Variants in STK32B observed in about 807,000 individuals in gnomAD.
STK32B encodes serine/threonine-protein kinase 32B.
In STK32B, 43 loss-of-function variants were observed where a neutral mutation model predicts 52.6. The observed-to-expected ratio is 0.82, with a 90% CI of 0.64 to 1.05. STK32B has a LOEUF of 1.05. Ranked by LOEUF, STK32B falls within the 50% of genes least tolerant of loss-of-function variation. The pLI is 0.00. For missense variants in STK32B, 621 were observed against 534.6 expected (o/e 1.16, Z -1.59); for synonymous variants, 238 against 204.3 (o/e 1.17, Z -1.41).
At chr4:5,455,420 C>G (rs573677485) in intron 7 of STK32B, among the ~76,000 whole-genome samples, 2 of 152,218 alleles carry the variant, frequency 1.3e-5, no homozygotes, top group Non-Finnish European at 2.9e-5. Flanking sequence ...CTACATATGC[C>G]GCATGCATAG....
chr4:5,384,787 G>A (rs960576148), intron 4 of STK32B, among the ~76,000 whole-genome samples: 4 of 152,108 alleles, frequency 2.6e-5, no homozygotes. Flanking sequence ...TGGGACTGAA[G>A]AATTGCAGGA....
At chr4:5,121,395 G>T (rs1283314536) in intron 1 of STK32B, among the ~76,000 whole-genome samples, 1 of 152,112 alleles carries the variant, frequency 6.6e-6, no homozygotes, top group East Asian at 1.9e-4. Context: ...AAAGAATTTG[G>T]TCCCACAACG....
chr4:5,153,510 A>G (rs560796708), intron 2 of STK32B, among the ~76,000 whole-genome samples: 2 of 149,450 alleles, frequency 1.3e-5, no homozygotes, highest in South Asian at 4.2e-4. Context: ...TCATTGGTGG[A>G]AAAAAAAAGC....
chr4:5,152,686 G>A (rs190330101), intron 2 of STK32B, among the ~76,000 whole-genome samples: 49 of 152,370 alleles, frequency 3.2e-4, no homozygotes, highest in Admixed American at 1.1e-3. Context: ...AGGGCTGCCC[G>A]TGCAGCATTG....
At chr4:5,252,844 A>G (rs1049407352) in intron 3 of STK32B, among the ~76,000 whole-genome samples, 1 of 152,182 alleles carries the variant, frequency 6.6e-6, no homozygotes, top group African/African-American at 2.4e-5. Context: ...AGTGATTAAT[A>G]AAGTGCCTGG....
At chr4:5,168,952 T>G (rs2108737320) in intron 3 of STK32B, among the ~76,000 whole-genome samples, 1 of 152,334 alleles carries the variant, frequency 6.6e-6, no homozygotes, top group South Asian at 2.1e-4. Context: ...TCCTTGGCTA[T>G]TATCTTCACT....
chr4:5,493,595 T>C lies in STK32B; in HGVS notation c.1107-5350T>C, dbSNP rs185088201. ...CTATTTCCTTCAGTTCTGCTCTGAT[T>C]TTAGTTATTTCTTGCCTTCTGCTAG... On this transcript the variant is annotated intron_variant, in intron 11 of 11. Coordinates refer to ENST00000282908, the MANE Select transcript of STK32B (RefSeq NM_018401.3). 1.1e-3 allele frequency among the ~76,000 whole-genome samples: 162 copies of C among 152,224 alleles called. 1 individual carries two copies. Among genetic ancestry groups the C allele is most frequent in the African/African-American group, 3.8e-3 (156 of 41,546 alleles).
chr4:5,381,886 G>A (rs2109024339), intron 4 of STK32B, among the ~76,000 whole-genome samples: 1 of 152,244 alleles, frequency 6.6e-6, no homozygotes, highest in East Asian at 1.9e-4. Flanking sequence ...AAGGAGGGAG[G>A]GAAGGAAGGA....
At chr4:5,250,579 C>G (rs1024181822) in intron 3 of STK32B, among the ~76,000 whole-genome samples, 2 of 152,150 alleles carry the variant, frequency 1.3e-5, no homozygotes, top group African/African-American at 4.8e-5. Flanking sequence ...TCCCAAAGTG[C>G]TAGGATTACA....
intron 1 of STK32B, among the ~76,000 whole-genome samples, chr4:5,054,053 C>G (rs941339668): frequency 1.3e-5 from 2 of 151,464 alleles, no homozygotes; most frequent in African/African-American, 4.9e-5. Context: ...ATTGCCCAGC[C>G]CAGTGAAACA....
intron 3 of STK32B, among the ~76,000 whole-genome samples, chr4:5,210,377 A>G (rs2108785260): frequency 6.6e-6 from 1 of 152,194 alleles, no homozygotes; most frequent in Middle Eastern, 3.4e-3. Flanking sequence ...TGGTGTTCCC[A>G]GTCTTCTTGC....
At chr4:5,492,313 T>C (rs1312535641) in intron 11 of STK32B, among the ~76,000 whole-genome samples, 2 of 152,168 alleles carry the variant, frequency 1.3e-5, no homozygotes, top group Admixed American at 6.5e-5. Flanking sequence ...TAAGTTGGAT[T>C]CCTAGGTATT....
At chr4:5,432,957 A>G (rs1713724516) in intron 6 of STK32B, among the ~76,000 whole-genome samples, 1 of 152,198 alleles carries the variant, frequency 6.6e-6, no homozygotes, top group Non-Finnish European at 1.5e-5. Flanking sequence ...AGCTTCCCCA[A>G]GGTCATTGTG....
Position 5,469,063 on chromosome 4 carries a change from A to AG in STK32B, c.1106+993_1106+994insG, listed in dbSNP as rs1351063114. ...AAGACTCCGTCTCAAAAAAAAAAAA[A>AG]AAAATTATCTAGGGGATTTGTGGCT... On this transcript the variant is annotated intron_variant, in intron 11 of 11. Coordinates refer to ENST00000282908, the MANE Select transcript of STK32B (RefSeq NM_018401.3). This position sits in a 1 kb window ranked among gnomAD's most constrained non-coding sequence, Gnocchi z 4.7. 6.6e-6 allele frequency among the ~76,000 whole-genome samples: 1 copy of AG among 151,650 alleles called. No individual in the cohort carries two copies. Among genetic ancestry groups the AG allele is most frequent in the East Asian group, 1.9e-4 (1 of 5,154 alleles).
intron 1 of STK32B, among the ~76,000 whole-genome samples, chr4:5,120,530 A>G (rs931868154): frequency 1.3e-5 from 2 of 152,234 alleles, no homozygotes; most frequent in African/African-American, 4.8e-5. Flanking sequence ...GAGGTATGTT[A>G]TAGGAAAAAA....
intron 6 of STK32B, among the ~76,000 whole-genome samples, chr4:5,445,579 C>G (rs936841948): frequency 1.3e-5 from 2 of 152,148 alleles, no homozygotes; most frequent in Non-Finnish European, 2.9e-5. Context: ...ACAAGGACCC[C>G]AGGACAAATG....
intron 3 of STK32B, among the ~76,000 whole-genome samples, chr4:5,284,455 T>A (rs952013258): frequency 6.6e-6 from 1 of 152,120 alleles, no homozygotes; most frequent in African/African-American, 2.4e-5. Context: ...GTAAAACTAC[T>A]CAAGGGTTCG....
intron 3 of STK32B, among the ~76,000 whole-genome samples, chr4:5,295,087 C>T (rs1729112888): frequency 6.6e-6 from 1 of 152,106 alleles, no homozygotes; most frequent in Non-Finnish European, 1.5e-5. Flanking sequence ...TATTGTTTTG[C>T]ATATGTTGAA....
chr4:5,076,751 A>G (rs1247625515), intron 1 of STK32B, among the ~76,000 whole-genome samples: 2 of 152,198 alleles, frequency 1.3e-5, no homozygotes, highest in African/African-American at 2.4e-5. Flanking sequence ...ATGATGATAA[A>G]CTTCGCATGT....
Sources: allele counts gnomAD v4.1 joint callset (sites outside exome capture counted in the v4.1 genomes callset), GRCh38; gene constraint gnomAD v4.1.1; non-coding constraint Gnocchi (gnomAD v3.1); transcripts MANE v1.5; gene names NCBI Gene and HGNC (gene_info 2026-07-23, HGNC 2026-07-21).